Variants in PARP8 observed in about 807,000 individuals in gnomAD.
The protein encoded by PARP8 is poly(ADP-ribose) polymerase family member 8.
PARP8 carries 51 observed loss-of-function variants against 124.1 expected under a neutral mutation model. That is an observed-to-expected ratio of 0.41 (90% CI 0.33 to 0.52). PARP8 has a LOEUF of 0.52. PARP8 is among the 20% of genes least tolerant of loss of function. PARP8 has a pLI of 0.21. For missense variants in PARP8, 860 were observed against 1,018.9 expected (o/e 0.84, Z 2.12); for synonymous variants, 391 against 361.5 (o/e 1.08, Z -0.93).
Position 50,795,340 on chromosome 5 carries a change from G to A in PARP8, c.1351G>A (p.Glu451Lys). Reference sequence around the variant, plus strand: ...TGAGCTTTTCAAGGAACCTAACGCAGAGGGCAGGAGGCTCTCTCTTACCTC... The same window carrying A: ...TGAGCTTTTCAAGGAACCTAACGCAAAGGGCAGGAGGCTCTCTCTTACCTC... ...KTELFKEPNA[E>K]GRRLSLTSGL... is the part of the protein sequence containing the mutation. The change falls in exon 12 of 26, where the codon GAG becomes AAG. Residue 451 changes from glutamate to lysine, a missense_variant. Physicochemically the swap from Glu to Lys is moderately conservative, Grantham distance 56. Around this residue, in one of 2 missense-constraint regions of PARP8, gnomAD observed 517 missense variants for 544.2 expected, o/e 0.95. Coordinates refer to ENST00000281631, the MANE Select transcript of PARP8 (RefSeq NM_024615.4). 1 of 1,614,126 alleles carries A rather than the reference G, an allele frequency of 6.2e-7. No individual in the cohort carries two copies. The highest frequency in any genetic ancestry group is 8.5e-7 in the Non-Finnish European group (1 of 1,180,016).
At chr5:50,836,172 C>A (rs1006434848) in intron 25 of PARP8, among the ~76,000 whole-genome samples, 1 of 152,074 alleles carries the variant, frequency 6.6e-6, no homozygotes, top group Non-Finnish European at 1.5e-5. Flanking sequence ...TAGATATTTG[C>A]TGACTATAGA....
intron 2 of PARP8, among the ~76,000 whole-genome samples, chr5:50,683,185 C>T (rs1186273084): frequency 6.6e-6 from 1 of 152,126 alleles, no homozygotes; most frequent in African/African-American, 2.4e-5. Flanking sequence ...ATCCTTTTAT[C>T]CTAGCTGGAT....
intron 2 of PARP8, among the ~76,000 whole-genome samples, chr5:50,747,699 T>C (rs1437119560): frequency 6.6e-6 from 1 of 151,480 alleles, no homozygotes; most frequent in African/African-American, 2.4e-5. Context: ...TTCCATTCTT[T>C]ACTTAAATCT....
At chr5:50,704,290 G>C (rs1377297482) in intron 2 of PARP8, among the ~76,000 whole-genome samples, 1 of 151,982 alleles carries the variant, frequency 6.6e-6, no homozygotes, top group East Asian at 1.9e-4. Context: ...GTAGATCCTG[G>C]TCACCAATCT....
Position 50,794,285 on chromosome 5 carries a change from A to G in PARP8, c.816A>G (p.Ser272=), listed in dbSNP as rs1561389104. 1.2e-6 allele frequency: 2 copies of G among 1,613,724 alleles called. No homozygotes were observed. Among genetic ancestry groups the G allele is most frequent in the East Asian group, 2.2e-5 (1 of 44,800 alleles). ...ATTGCCTGCACAATAAAAAGTTGTC[A>G]GAGAAGAAAGTGAAGTCTCCCCTGC... ...KSNCLHNKKL[S]EKKVKSPLHL... is the part of the protein sequence containing the mutation. The change falls in exon 11 of 26, where the codon TCA becomes TCG. Residue 272 remains serine, a synonymous_variant. Coordinates refer to ENST00000281631, the MANE Select transcript of PARP8 (RefSeq NM_024615.4).
At chr5:50,828,213 C>A in intron 20 of PARP8, 99 bp from the exon 21 acceptor site, 3 of 1,289,872 alleles carry the variant, frequency 2.3e-6, no homozygotes, top group Non-Finnish European at 3.3e-6. Context: ...ATTTGGCAAT[C>A]CAGAACCTTC....
chr5:50,772,786 G>A (rs754154710), intron 7 of PARP8, among the ~76,000 whole-genome samples: 57 of 152,092 alleles, frequency 3.7e-4, no homozygotes, highest in South Asian at 1.7e-3. Context: ...AACCTCTGCC[G>A]ACTGGGTTCA....
chr5:50,783,067 G>A lies in PARP8; in HGVS notation c.670+4417G>A, dbSNP rs572685817. On this transcript the variant is annotated intron_variant, in intron 9 of 25. Transcript: ENST00000281631. ...AGTTAGGGCCACAGAAATAGGACAT[G>A]TCTGGTAAAGAGCTGCAACCATGGA... Among the ~76,000 whole-genome samples the A allele has an allele frequency of 4.6e-5, 7 of 152,150 alleles. No homozygotes were observed. In the East Asian group the frequency reaches 1.4e-3, roughly 29 times the overall value.
chr5:50,773,177 T>C (rs1391607468), intron 7 of PARP8, among the ~76,000 whole-genome samples: 1 of 152,228 alleles, frequency 6.6e-6, no homozygotes, highest in African/African-American at 2.4e-5. Context: ...CTTTTTAGTT[T>C]GATGTAATCC....
intron 2 of PARP8, among the ~76,000 whole-genome samples, chr5:50,720,448 G>A (rs1428459599): frequency 2.6e-5 from 4 of 151,930 alleles, no homozygotes; most frequent in South Asian, 4.1e-4. Context: ...CTTTCAGCTC[G>A]CCTCTTCCTT....
chr5:50,827,349 A>G (rs1219804877), intron 19 of PARP8, among the ~76,000 whole-genome samples: 1 of 152,132 alleles, frequency 6.6e-6, no homozygotes, highest in Non-Finnish European at 1.5e-5. Context: ...ATTCCTGCAT[A>G]ACTATATTCC....
chr5:50,842,334 T>C lies in PARP8; in HGVS notation c.*266T>C, dbSNP rs1748265595. ...TGGGTTGCTCATACAATAAACAGAT[T>C]GAAAAAACTGTTTTGTGCTGATATT... On this transcript the variant is annotated 3_prime_UTR_variant, in exon 26 of 26. Coordinates refer to ENST00000281631, the MANE Select transcript of PARP8 (RefSeq NM_024615.4). 1 of 257,776 alleles carries C rather than the reference T, an allele frequency of 3.9e-6. No homozygotes were observed. The highest frequency in any genetic ancestry group is 7.3e-6 in the Non-Finnish European group (1 of 136,196). The allele number at this position is 257,776 out of a possible 1,614,324, so 16.0% of individuals were successfully genotyped here. A position where few individuals can be genotyped will look rare whatever the true frequency, so the allele number is the denominator to read the frequency against.
chr5:50,774,137 G>C (rs1164846503), intron 7 of PARP8, among the ~76,000 whole-genome samples: 2 of 152,178 alleles, frequency 1.3e-5, no homozygotes, highest in Non-Finnish European at 1.5e-5. Context: ...ACATGTTTCA[G>C]AGAGCAAGGG....
At chr5:50,721,324 C>T (rs1202908213) in intron 2 of PARP8, among the ~76,000 whole-genome samples, 1 of 152,028 alleles carries the variant, frequency 6.6e-6, no homozygotes, top group Non-Finnish European at 1.5e-5. Flanking sequence ...ATTTCATCCC[C>T]CATCACCCCA....
At chr5:50,742,069 C>A in intron 2 of PARP8, 1 of 255,704 alleles carries the variant, frequency 3.9e-6, no homozygotes, top group Non-Finnish European at 7.8e-6. Flanking sequence ...TTTGGCCTCC[C>A]AAAGTACCGG....
chr5:50,781,434 T>C (rs1275905731), intron 9 of PARP8, among the ~76,000 whole-genome samples: 1 of 152,226 alleles, frequency 6.6e-6, no homozygotes, highest in African/African-American at 2.4e-5. Context: ...TTTTGGAAAT[T>C]AGTGTGATGT....
At chr5:50,770,724 C>T (rs374717624) in intron 7 of PARP8, among the ~76,000 whole-genome samples, 1 of 149,994 alleles carries the variant, frequency 6.7e-6, no homozygotes, top group Admixed American at 6.6e-5. Flanking sequence ...AGAAAGAAAA[C>T]GAAGGAAAGA....
At position 50,795,336 on chromosome 5, in the gene PARP8, C is replaced by T. The variant is rs74498826; in HGVS notation, c.1347C>T (p.Asn449=). 3.0e-3 allele frequency: 4,867 copies of T among 1,614,106 alleles called. 115 individuals are homozygous for T. In the African/African-American group the frequency reaches 0.056, roughly 19 times the overall value. ...SSKTELFKEP[N]AEGRRLSLTS... The stretch of plus-strand genomic sequence containing the variant: ...AAACTGAGCTTTTCAAGGAACCTAA[C>T]GCAGAGGGCAGGAGGCTCTCTCTTA... The change falls in exon 12 of 26, where the codon AAC becomes AAT. Residue 449 remains asparagine, a synonymous_variant. Transcript: ENST00000281631.
At chr5:50,743,587 G>A (rs1758261400) in intron 2 of PARP8, among the ~76,000 whole-genome samples, 1 of 151,998 alleles carries the variant, frequency 6.6e-6, no homozygotes, top group African/African-American at 2.4e-5. Context: ...GTGTCTGGGG[G>A]TGAGATGTGG....
Sources: allele counts gnomAD v4.1 joint callset (sites outside exome capture counted in the v4.1 genomes callset), GRCh38; gene constraint gnomAD v4.1.1; regional missense constraint gnomAD v4.1.1; transcripts MANE v1.5; gene names NCBI Gene and HGNC (gene_info 2026-07-23, HGNC 2026-07-21).